PDS5B: variants seen among roughly 807,000 people sequenced by gnomAD.
The protein encoded by PDS5B is PDS5 cohesin associated factor B.
PDS5B carries 51 observed loss-of-function variants against 184.1 expected under a neutral mutation model. That is an observed-to-expected ratio of 0.28 (90% CI 0.22 to 0.35). The LOEUF is 0.35. PDS5B is among the 10% of genes least tolerant of loss of function. The probability of loss-of-function intolerance (pLI) is 1.00; values close to 1 mark genes in which losing one functional copy is unlikely to be tolerated. For missense variants in PDS5B, 1,180 were observed against 1,723.3 expected (o/e 0.68, Z 5.58); for synonymous variants, 566 against 569.2 (o/e 0.99, Z 0.08).
intron 3 of PDS5B, chr13:32,652,218 G>T: frequency 4.7e-6 from 2 of 429,970 alleles, no homozygotes; most frequent in East Asian, 3.7e-5. Flanking sequence ...TTAATACAGT[G>T]TGTATTTTTT....
intron 1 of PDS5B, among the ~76,000 whole-genome samples, chr13:32,617,091 T>C (rs999840076): frequency 2.6e-5 from 4 of 152,240 alleles, no homozygotes; most frequent in Non-Finnish European, 5.9e-5. Flanking sequence ...AGTGAAATCA[T>C]GTCCATATTA....
At chr13:32,609,946 C>A (rs2058116404) in intron 1 of PDS5B, among the ~76,000 whole-genome samples, 2 of 150,420 alleles carry the variant, frequency 1.3e-5, no homozygotes, top group Non-Finnish European at 1.5e-5. Flanking sequence ...ATGCTAATGG[C>A]AATAAAATTT....
At chr13:32,689,862 A>T (rs1951497491) in intron 13 of PDS5B, 1 of 152,138 alleles carries the variant, frequency 6.6e-6, no homozygotes. Flanking sequence ...CTTAAATTGG[A>T]TGAAATATGG....
intron 13 of PDS5B, among the ~76,000 whole-genome samples, chr13:32,692,797 G>A (rs972416273): frequency 1.3e-5 from 2 of 151,846 alleles, no homozygotes; most frequent in African/African-American, 4.8e-5. Context: ...GCAATAAACA[G>A]GCACAGATTG....
chr13:32,587,011 G>A (rs1566223474), intron 1 of PDS5B, among the ~76,000 whole-genome samples: 2 of 141,306 alleles, frequency 1.4e-5, no homozygotes, highest in East Asian at 2.2e-4. Context: ...CGTCGCCGCC[G>A]CCGCGCCCCT....
At chr13:32,620,675 A>C (rs1361271693) in intron 1 of PDS5B, among the ~76,000 whole-genome samples, 1 of 148,958 alleles carries the variant, frequency 6.7e-6, no homozygotes, top group African/African-American at 2.4e-5. Flanking sequence ...AAAAAAAAAA[A>C]GTGGTAGTGA....
chr13:32,725,974 C>G (rs1039009624), intron 19 of PDS5B, among the ~76,000 whole-genome samples: 3 of 151,830 alleles, frequency 2.0e-5, no homozygotes, highest in Non-Finnish European at 2.9e-5. Flanking sequence ...TGGATACATA[C>G]CCTTGTTCAT....
chr13:32,739,708 C>G (rs76899067), intron 21 of PDS5B, among the ~76,000 whole-genome samples: 8,139 of 151,994 alleles, frequency 0.054, 632 homozygotes, highest in African/African-American at 0.18. Flanking sequence ...CATGTTGGTT[C>G]TGGTTTATTT....
chr13:32,643,658 A>T (rs1294150228), intron 1 of PDS5B, among the ~76,000 whole-genome samples: 2 of 152,064 alleles, frequency 1.3e-5, no homozygotes, highest in Non-Finnish European at 2.9e-5. Context: ...GATACTTACC[A>T]TTGTGTTACG....
chr13:32,624,397 C>T (rs537062413), intron 1 of PDS5B, among the ~76,000 whole-genome samples: 82 of 152,166 alleles, frequency 5.4e-4, no homozygotes, highest in African/African-American at 1.7e-3. Context: ...TAAAACTAGT[C>T]GTGTTTAATC....
Position 32,678,507 on chromosome 13 carries a change from C to T in PDS5B, c.963-328C>T, listed in dbSNP as rs192447992. On this transcript the variant is annotated intron_variant, in intron 9 of 34. Coordinates refer to ENST00000315596, the MANE Select transcript of PDS5B (RefSeq NM_015032.4). ...ATGATGTTTCTATGAACTATATATG[C>T]ACACTTGCATAAATAGATGTATTTG... is the stretch of plus-strand genomic sequence containing the variant. Among the ~76,000 whole-genome samples, 1,136 of 152,264 alleles carry T rather than the reference C, an allele frequency of 7.5e-3. 21 individuals carry two copies. Among genetic ancestry groups the T allele is most frequent in the African/African-American group, 0.025 (1,053 of 41,554 alleles).
intron 1 of PDS5B, among the ~76,000 whole-genome samples, chr13:32,630,877 T>C (rs1054561564): frequency 6.6e-5 from 10 of 151,548 alleles, no homozygotes; most frequent in African/African-American, 2.2e-4. Context: ...CTCCGCCTCC[T>C]GGATTCAAGT....
In PDS5B at chr13:32,589,915, A is replaced by C. The variant is rs115752364; in HGVS notation, c.-20+3322A>C. Among the ~76,000 whole-genome samples the C allele has an allele frequency of 2.9e-3, 446 of 152,280 alleles. 5 individuals carry two copies. Among genetic ancestry groups the C allele is most frequent in the African/African-American group, 0.01 (433 of 41,548 alleles). Reference sequence around the variant, plus strand: ...TTCTAACCATTTCCCCCATTACTTGAAAAAGGTTTTAGAATCCTTTCTCAT... The same window carrying C: ...TTCTAACCATTTCCCCCATTACTTGCAAAAGGTTTTAGAATCCTTTCTCAT... On this transcript the variant is annotated intron_variant, in intron 1 of 34. Coordinates refer to ENST00000315596, the MANE Select transcript of PDS5B (RefSeq NM_015032.4).
intron 24 of PDS5B, among the ~76,000 whole-genome samples, chr13:32,751,880 G>A (rs1005604476): frequency 6.6e-6 from 1 of 152,098 alleles, no homozygotes; most frequent in Non-Finnish European, 1.5e-5. Context: ...TGTAAAACTA[G>A]ATGTTTGGTA....
intron 9 of PDS5B, among the ~76,000 whole-genome samples, chr13:32,677,716 G>A (rs953054697): frequency 6.6e-6 from 1 of 151,740 alleles, no homozygotes; most frequent in African/African-American, 2.4e-5. Flanking sequence ...TTTGGTGCTG[G>A]TTTTGAAGAC....
At chr13:32,649,699 A>T (rs1439400186) in intron 2 of PDS5B, 1 of 152,180 alleles carries the variant, frequency 6.6e-6, no homozygotes, top group Non-Finnish European at 1.5e-5. Context: ...AGAGAAAAAG[A>T]TGCTAATACT....
intron 1 of PDS5B, among the ~76,000 whole-genome samples, chr13:32,601,496 T>C (rs904384257): frequency 1.3e-5 from 2 of 152,254 alleles, no homozygotes; most frequent in Non-Finnish European, 2.9e-5. Flanking sequence ...ATATTTCTAC[T>C]GTTGTCTCTT....
intron 1 of PDS5B, among the ~76,000 whole-genome samples, chr13:32,587,851 G>C (rs1284186722): frequency 6.6e-6 from 1 of 152,226 alleles, no homozygotes; most frequent in Non-Finnish European, 1.5e-5. Flanking sequence ...TTTGGGTATA[G>C]CCTTAATTTA....
At chr13:32,634,094 T>C (rs2058500635) in intron 1 of PDS5B, among the ~76,000 whole-genome samples, 1 of 152,352 alleles carries the variant, frequency 6.6e-6, no homozygotes, top group Middle Eastern at 3.4e-3. Context: ...ACTGCTTCAG[T>C]GAGCCTCTTG....
Sources: allele counts gnomAD v4.1 joint callset (sites outside exome capture counted in the v4.1 genomes callset), GRCh38; gene constraint gnomAD v4.1.1; transcripts MANE v1.5; gene names NCBI Gene and HGNC (gene_info 2026-07-23, HGNC 2026-07-21).